Variants in IRAK1BP1 observed in about 807,000 individuals in gnomAD.
IRAK1BP1 encodes the protein interleukin 1 receptor associated kinase 1 binding protein 1.
IRAK1BP1 carries 24 observed loss-of-function variants against 28.0 expected under a neutral mutation model. The observed-to-expected ratio is 0.86, with a 90% CI of 0.62 to 1.20. IRAK1BP1 has a LOEUF of 1.20. IRAK1BP1 is among the 50% of genes most tolerant of loss of function. The pLI, the probability that IRAK1BP1 is intolerant of heterozygous loss-of-function variation, is 0.00. For missense variants in IRAK1BP1, 336 were observed against 316.7 expected (o/e 1.06, Z -0.46); for synonymous variants, 131 against 116.3 (o/e 1.13, Z -0.81).
chr6:78,962,699 T>C, the IRAK1BP1 span, among the ~76,000 whole-genome samples: 1 of 152,120 alleles, frequency 6.6e-6, no homozygotes, highest in Non-Finnish European at 1.5e-5. Flanking sequence ...AAGAAGATCC[T>C]CTTTTGTGTG....
the IRAK1BP1 span, among the ~76,000 whole-genome samples, chr6:78,973,904 T>TA: frequency 6.6e-6 from 1 of 151,708 alleles, no homozygotes; most frequent in African/African-American, 2.4e-5. Flanking sequence ...CAAAGAGACT[T>TA]AGACTCCCAC....
intron 1 of IRAK1BP1, among the ~76,000 whole-genome samples, chr6:78,880,978 A>G (rs1771209596): frequency 6.6e-6 from 1 of 152,190 alleles, no homozygotes; most frequent in South Asian, 2.1e-4. Context: ...AGTTTCTTAT[A>G]AGTTAAATAT....
chr6:78,966,812 C>G, the IRAK1BP1 span, among the ~76,000 whole-genome samples: 1 of 152,176 alleles, frequency 6.6e-6, no homozygotes, highest in Admixed American at 6.5e-5. Flanking sequence ...TTTTCCTGTT[C>G]CTCAGCTATC....
chr6:78,909,345 A>T (rs1484246254), intron 4 of IRAK1BP1, among the ~76,000 whole-genome samples: 1 of 152,226 alleles, frequency 6.6e-6, no homozygotes, highest in African/African-American at 2.4e-5. Flanking sequence ...CTCATGGTGA[A>T]TCAAGGAGCA....
intron 1 of IRAK1BP1, among the ~76,000 whole-genome samples, chr6:78,882,487 TC>T (rs1194441414): frequency 2.0e-5 from 3 of 152,210 alleles, no homozygotes; most frequent in African/African-American, 7.2e-5. Context: ...TGGAGTAGTG[TC>T]ATGTGGATAC....
At chr6:78,885,252 C>A in intron 1 of IRAK1BP1, 126 bp from the exon 2 acceptor site, 2 of 562,240 alleles carry the variant, frequency 3.6e-6, no homozygotes, top group Non-Finnish European at 6.4e-6. Flanking sequence ...TTTAAAACAT[C>A]AGGCAAAGTT....
At position 78,901,049 on chromosome 6, in the gene IRAK1BP1, A is replaced by G. The variant is rs1772076017; in HGVS notation, c.*2715A>G. ...AAGTAGAATGAGGTTGTGCATCAAG[A>G]AAAAAATTGTTCGTTCTCAACAAAA... On this transcript the variant is annotated 3_prime_UTR_variant, in exon 4 of 4. Transcript: ENST00000369940. The G allele has an allele frequency of 2.0e-5, 3 of 152,072 alleles. No homozygotes were observed. The highest frequency in any genetic ancestry group is 2.0e-4 in the Admixed American group (3 of 15,266). 9.4% of individuals were successfully genotyped at this position (152,072 alleles called of 1,614,324 possible).
At position 78,930,505 on chromosome 6, in the gene IRAK1BP1, C is replaced by T. The variant is rs1053215645; in HGVS notation, c.*68-14903C>T. Among the ~76,000 whole-genome samples, 6 of 152,160 alleles carry T rather than the reference C, an allele frequency of 3.9e-5. No individual in the cohort carries two copies. In the East Asian group the frequency reaches 5.8e-4, roughly 15 times the overall value. On this transcript the variant is annotated intron_variant and NMD_transcript_variant, in intron 4 of 4. Transcript: ENST00000606868. Reference sequence around the variant, plus strand: ...ATTTGCTGTTCTACAAAAATACTTGCATATTATAGTTTTAAATTACCATCC... The same window carrying T: ...ATTTGCTGTTCTACAAAAATACTTGTATATTATAGTTTTAAATTACCATCC...
the IRAK1BP1 span, chr6:78,970,192 A>G: frequency 1.2e-6 from 2 of 1,601,670 alleles, no homozygotes; most frequent in African/African-American, 1.3e-5. Flanking sequence ...GACAGAGAAT[A>G]TAAGGAACCA....
intron 4 of IRAK1BP1, among the ~76,000 whole-genome samples, chr6:78,926,015 T>C (rs768779378): frequency 6.6e-6 from 1 of 151,904 alleles, no homozygotes; most frequent in Non-Finnish European, 1.5e-5. Context: ...GAAGGAATAA[T>C]AGACAGTAGG....
chr6:78,911,087 T>G (rs866306383), intron 4 of IRAK1BP1, among the ~76,000 whole-genome samples: 2 of 152,152 alleles, frequency 1.3e-5, no homozygotes, highest in Non-Finnish European at 1.5e-5. Context: ...GCCTCCGCCT[T>G]CCTTCTGCTG....
intron 4 of IRAK1BP1, among the ~76,000 whole-genome samples, chr6:78,930,151 C>T (rs1773005374): frequency 6.6e-6 from 1 of 152,218 alleles, no homozygotes; most frequent in South Asian, 2.1e-4. Context: ...TGGTCTTGAA[C>T]TCTTGGGCTC....
At chr6:78,876,946 T>A (rs761378181) in intron 1 of IRAK1BP1, among the ~76,000 whole-genome samples, 51 of 152,138 alleles carry the variant, frequency 3.4e-4, no homozygotes, top group Non-Finnish European at 5.4e-4. Context: ...CAGAAACGTA[T>A]CTATAGTGAA....
chr6:78,959,406 T>C, the IRAK1BP1 span, among the ~76,000 whole-genome samples: 2 of 152,122 alleles, frequency 1.3e-5, no homozygotes, highest in East Asian at 3.8e-4. Flanking sequence ...GATAACAGAA[T>C]CACAGATATC....
intron 4 of IRAK1BP1, chr6:78,936,418 C>T (rs1273717807): frequency 6.6e-6 from 1 of 151,766 alleles, no homozygotes; most frequent in East Asian, 1.9e-4. Context: ...TTTGTATTGT[C>T]TCATGTTATA....
At chr6:78,918,810 T>C (rs1037839202) in intron 4 of IRAK1BP1, among the ~76,000 whole-genome samples, 3 of 152,098 alleles carry the variant, frequency 2.0e-5, no homozygotes, top group Admixed American at 2.0e-4. Context: ...GGCGGAAAAC[T>C]AACAAAGAAA....
At chr6:78,949,681 TTTTA>T (rs1774030955), downstream of IRAK1BP1, among the ~76,000 whole-genome samples, 1 of 151,918 alleles carries the variant, frequency 6.6e-6, no homozygotes, top group Non-Finnish European at 1.5e-5. Context: ...TGGGACTCTT[TTTTA>T]CTTTTTTTTT....
At chr6:78,959,482 T>A in the IRAK1BP1 span, among the ~76,000 whole-genome samples, 1 of 152,072 alleles carries the variant, frequency 6.6e-6, no homozygotes, top group Admixed American at 6.6e-5. Context: ...CAGGGCAAAC[T>A]GACAGTAATA....
chr6:78,955,128 A>C, the IRAK1BP1 span: 1 of 898,158 alleles, frequency 1.1e-6, no homozygotes, highest in Non-Finnish European at 1.7e-6. Context: ...ACTAATTTGA[A>C]ATACTTAATG....
Sources: allele counts gnomAD v4.1 joint callset (sites outside exome capture counted in the v4.1 genomes callset), GRCh38; gene constraint gnomAD v4.1.1; transcripts MANE v1.5; gene names NCBI Gene and HGNC (gene_info 2026-07-23, HGNC 2026-07-21).